Variants in DNAH6 observed in about 807,000 individuals in gnomAD.
DNAH6 encodes the protein dynein axonemal heavy chain 6.
Under a neutral mutation model 491.4 loss-of-function variants are expected in DNAH6, and 340 were observed. The ratio of observed to expected loss-of-function variants is 0.69; its 90% CI spans 0.63 to 0.76. DNAH6 has a LOEUF of 0.76. Among genes scored for constraint, DNAH6 ranks in the 30% least tolerant of loss-of-function variants. The pLI is 0.00. For synonymous variants in DNAH6, 1,603 were observed against 1,686.1 expected, an observed-to-expected ratio of 0.95 and a Z score of 1.21; for missense variants, 4,443 against 4,972.2, an observed-to-expected ratio of 0.89 and a Z score of 3.20.
chr2:84,702,455 A>G (rs1421687612), intron 49 of DNAH6, among the ~76,000 whole-genome samples: 1 of 151,708 alleles, frequency 6.6e-6, no homozygotes, highest in Admixed American at 6.6e-5. Flanking sequence ...AGATATTTAA[A>G]TTTTTTCAGA....
the DNAH6 span, among the ~76,000 whole-genome samples, chr2:84,496,352 C>G: frequency 6.6e-6 from 1 of 152,078 alleles, no homozygotes; most frequent in Non-Finnish European, 1.5e-5. Flanking sequence ...ATAAAAATAA[C>G]CATAAATCTC....
At position 84,650,778 on chromosome 2, in the gene DNAH6, G is replaced by A. The variant is rs190311484; in HGVS notation, c.5079-2541G>A. On this transcript the variant is annotated intron_variant, in intron 33 of 76. Transcript: ENST00000389394. ...TAACGTTTCTCTCATCTCAGTGTTA[G>A]CATCTATTGATTGTCTCTCTTAGTT... 3.6e-3 allele frequency among the ~76,000 whole-genome samples: 541 copies of A among 152,220 alleles called. 1 individual carries two copies. Among genetic ancestry groups the A allele is most frequent in the African/African-American group, 0.012 (490 of 41,540 alleles).
At chr2:84,539,035 C>T (rs1481302898) in intron 4 of DNAH6, among the ~76,000 whole-genome samples, 1 of 151,860 alleles carries the variant, frequency 6.6e-6, no homozygotes, top group Admixed American at 6.6e-5. Context: ...ATTTTGAAGC[C>T]ATATTATCAA....
chr2:84,596,047 AG>A (rs1684545977), intron 18 of DNAH6, among the ~76,000 whole-genome samples: 1 of 152,168 alleles, frequency 6.6e-6, no homozygotes, highest in Non-Finnish European at 1.5e-5. Context: ...GTGCAGGAAT[AG>A]GTTGTAGTTA....
chr2:84,722,623 A>G lies in DNAH6; in HGVS notation c.9793-2A>G, dbSNP rs1206730794. On this transcript the variant is annotated splice_acceptor_variant, in intron 59 of 76. Coordinates refer to ENST00000389394, the MANE Select transcript of DNAH6 (RefSeq NM_001370.2). LOFTEE classifies it high-confidence loss of function. ...AGAACTTGTTATTGTATGTTTATTCAGATCACTTCTGGTGCCATTAAAACC... is the reference window on the plus strand; with the variant it reads ...AGAACTTGTTATTGTATGTTTATTCGGATCACTTCTGGTGCCATTAAAACC... The G allele has an allele frequency of 3.2e-6, 5 of 1,540,064 alleles. No homozygotes were observed. In the South Asian group the frequency reaches 4.9e-5, roughly 15 times the overall value.
chr2:84,591,086 T>C (rs966989152), intron 16 of DNAH6, among the ~76,000 whole-genome samples: 4 of 152,222 alleles, frequency 2.6e-5, no homozygotes, highest in African/African-American at 9.7e-5. Context: ...AGATTTGAAG[T>C]GGCTGTCCAA....
intron 37 of DNAH6, among the ~76,000 whole-genome samples, chr2:84,666,081 A>G (rs1692095804): frequency 6.6e-6 from 1 of 152,178 alleles, no homozygotes. Flanking sequence ...TCAATAAACT[A>G]GATATTGATG....
At position 84,816,070 on chromosome 2, in the gene DNAH6, A is replaced by G; in HGVS notation, c.12360A>G (p.Thr4120=). 6.5e-7 allele frequency: 1 copy of G among 1,549,782 alleles called. No homozygotes were observed. Among genetic ancestry groups the G allele is most frequent in the Non-Finnish European group, 8.7e-7 (1 of 1,145,844 alleles). The change falls in exon 76 of 77, where the codon ACA becomes ACG. Residue 4120 remains threonine (T), a synonymous_variant. Transcript: ENST00000389394. ...ATAAAACAGGAGCCCGGGCAGGAACACTCTCAACCACAGGTGAGGATGTTC... is the reference window on the plus strand; with the variant it reads ...ATAAAACAGGAGCCCGGGCAGGAACGCTCTCAACCACAGGTGAGGATGTTC... ...PLYKTGARAG[T]LSTTGHSTNF...
chr2:84,666,039 C>T (rs574187297), intron 37 of DNAH6, among the ~76,000 whole-genome samples: 21 of 152,186 alleles, frequency 1.4e-4, no homozygotes, highest in African/African-American at 3.6e-4. Context: ...AGGCCTTCAA[C>T]GAAATTCAAC....
intron 1 of DNAH6, 67 bp from the exon 2 acceptor site, chr2:84,517,752 A>T: frequency 8.0e-7 from 1 of 1,243,004 alleles, no homozygotes; most frequent in Non-Finnish European, 1.1e-6. Context: ...GTCCCTCTCC[A>T]GTAGCCTCCT....
rs1054193882 is a variant in DNAH6, at chr2:84,597,582, A to G, written c.2868+1793A>G. On this transcript the variant is annotated intron_variant, in intron 18 of 76. Transcript: ENST00000389394. Reference sequence around the variant, plus strand: ...TCAAGATGTTAAATATAGACCTACCATATTACCAAGTGACTCTGCTCCCAG... The same window carrying G: ...TCAAGATGTTAAATATAGACCTACCGTATTACCAAGTGACTCTGCTCCCAG... Among the ~76,000 whole-genome samples, 6 of 152,248 alleles carry G rather than the reference A, an allele frequency of 3.9e-5. No homozygotes were observed. In the East Asian group the frequency reaches 1.2e-3, roughly 29 times the overall value.
chr2:84,702,901 C>T (rs1696066116), intron 49 of DNAH6, among the ~76,000 whole-genome samples: 1 of 152,106 alleles, frequency 6.6e-6, no homozygotes, highest in Non-Finnish European at 1.5e-5. Flanking sequence ...TACCAGATAC[C>T]AGCCCTTTGA....
In DNAH6 at chr2:84,812,194, G is replaced by A. The variant is rs1321329404; in HGVS notation, c.11740-147G>A. ...GTAGTAATGCGTGAAATATTGGAGG[G>A]TCTGGCCCAGCAGACAGTGTGCAAA... On this transcript the variant is annotated intron_variant, in intron 72 of 76. Transcript: ENST00000389394. 43 of 661,810 alleles carry A rather than the reference G, an allele frequency of 6.5e-5. No homozygotes were observed. The East Asian group carries it at 1.1e-3, about 17-fold the overall frequency. The allele number at this position is 661,810 out of a possible 1,614,324, so 41.0% of individuals were successfully genotyped here. A position where few individuals can be genotyped will look rare whatever the true frequency, so the allele number is the denominator to read the frequency against.
intron 24 of DNAH6, among the ~76,000 whole-genome samples, chr2:84,620,425 C>G (rs1687279902): frequency 6.6e-6 from 1 of 152,070 alleles, no homozygotes; most frequent in African/African-American, 2.4e-5. Context: ...ATGGGGAACA[C>G]CAAGAGAGTG....
intron 65 of DNAH6, among the ~76,000 whole-genome samples, chr2:84,784,137 A>C (rs962015078): frequency 3.3e-5 from 5 of 152,168 alleles, no homozygotes; most frequent in African/African-American, 1.2e-4. Flanking sequence ...TTCCAACTTT[A>C]CTTTGGCCTT....
the DNAH6 span, among the ~76,000 whole-genome samples, chr2:84,505,572 A>G: frequency 3.3e-5 from 5 of 151,898 alleles, no homozygotes; most frequent in South Asian, 4.2e-4. Context: ...TTTTTTTATT[A>G]TTATACTTTA....
chr2:84,664,122 C>T (rs183485809), intron 37 of DNAH6, among the ~76,000 whole-genome samples: 105 of 152,244 alleles, frequency 6.9e-4, no homozygotes, highest in Middle Eastern at 3.4e-3. Context: ...AAGGAATAAC[C>T]GGTACCAGCC....
rs778142094 is a variant in DNAH6 at position 84,669,459 on chromosome 2, A to G, written c.6255A>G (p.Leu2085=). The change falls in exon 38 of 77, where the codon CTA becomes CTG. Residue 2085 remains leucine, a synonymous_variant. Coordinates refer to ENST00000389394, the MANE Select transcript of DNAH6 (RefSeq NM_001370.2). ...TVRYGYLMEK[L]LAVKHSVLFT... Reference sequence around the variant, plus strand: ...GCTATGGGTATCTAATGGAAAAACTACTGGCAGTCAAGCATTCCGTGTTGT... The same window carrying G: ...GCTATGGGTATCTAATGGAAAAACTGCTGGCAGTCAAGCATTCCGTGTTGT... 2 of 1,551,946 alleles carry G rather than the reference A, an allele frequency of 1.3e-6. No homozygotes were observed. Among genetic ancestry groups the G allele is most frequent in the South Asian group, 1.2e-5 (1 of 84,062 alleles).
In DNAH6 at chr2:84,517,851, G is replaced by C. The variant is rs773282169; in HGVS notation, c.25G>C (p.Glu9Gln). The change falls in exon 2 of 77, where the codon GAA becomes CAA. Residue 9 changes from glutamate (E) to glutamine (Q), a missense_variant. Glu to Gln is a conservative substitution (Grantham distance 29). Around this residue, in one of 3 missense-constraint regions of DNAH6, gnomAD observed 2,977 missense variants for 3,296.6 expected, o/e 0.90. Coordinates refer to ENST00000389394, the MANE Select transcript of DNAH6 (RefSeq NM_001370.2). MTFRATDS[E>Q]FDLTNIEEYA... ...GATGACTTTTCGGGCCACAGATAGTGAATTTGACCTGACAAATATTGAAGA... is the reference window on the plus strand; with the variant it reads ...GATGACTTTTCGGGCCACAGATAGTCAATTTGACCTGACAAATATTGAAGA... 3 of 1,551,558 alleles carry C rather than the reference G, an allele frequency of 1.9e-6. No individual in the cohort carries two copies. The South Asian group carries it at 3.6e-5, about 18-fold the overall frequency.
Sources: allele counts gnomAD v4.1 joint callset (sites outside exome capture counted in the v4.1 genomes callset), GRCh38; gene constraint gnomAD v4.1.1; regional missense constraint gnomAD v4.1.1; transcripts MANE v1.5; gene names NCBI Gene and HGNC (gene_info 2026-07-23, HGNC 2026-07-21).